Variants in PC observed in about 807,000 individuals in gnomAD.
PC encodes pyruvate carboxylase, mitochondrial.
PC carries 46 observed loss-of-function variants against 107.8 expected under a neutral mutation model. The ratio of observed to expected loss-of-function variants is 0.43; its 90% confidence interval spans 0.34 to 0.55. The LOEUF is 0.55. PC is among the 20% of genes least tolerant of loss of function. The pLI, the probability that PC is intolerant of heterozygous loss-of-function variation, is 0.04. For missense variants in PC, 1,241 were observed against 1,643.1 expected (o/e 0.76, Z 4.23); for synonymous variants, 662 against 684.7 (o/e 0.97, Z 0.52).
At chr11:66,940,341 C>T (rs1320441658) in intron 3 of PC, among the ~76,000 whole-genome samples, 1 of 151,834 alleles carries the variant, frequency 6.6e-6, no homozygotes, top group African/African-American at 2.4e-5. Flanking sequence ...TGGGACCACA[C>T]CCGGCCCCTC....
chr11:66,856,046 C>T (rs967090005), intron 12 of PC, among the ~76,000 whole-genome samples: 1 of 152,098 alleles, frequency 6.6e-6, no homozygotes, highest in South Asian at 2.1e-4. Flanking sequence ...CCCAACTGGG[C>T]AGACCACTGG....
At chr11:66,912,334 A>G (rs1468779411) in intron 3 of PC, among the ~76,000 whole-genome samples, 1 of 152,238 alleles carries the variant, frequency 6.6e-6, no homozygotes, top group Non-Finnish European at 1.5e-5. Context: ...CCCCTGGAAC[A>G]GACTTGAGGA....
At chr11:66,917,766 C>A (rs139388621) in intron 3 of PC, among the ~76,000 whole-genome samples, 1 of 152,158 alleles carries the variant, frequency 6.6e-6, no homozygotes, top group Non-Finnish European at 1.5e-5. Context: ...TGTATAATAA[C>A]GGAGAAATTT....
intron 11 of PC, among the ~76,000 whole-genome samples, chr11:66,864,299 T>C (rs1946401512): frequency 6.6e-6 from 1 of 152,188 alleles, no homozygotes; most frequent in South Asian, 2.1e-4. Flanking sequence ...TGCACCTGCC[T>C]GAGCAACCCT....
At chr11:66,888,881 C>G (rs1725534741) in intron 3 of PC, among the ~76,000 whole-genome samples, 1 of 152,130 alleles carries the variant, frequency 6.6e-6, no homozygotes, top group Admixed American at 6.5e-5. Context: ...CGAGACCACC[C>G]TGACCAACAT....
At chr11:66,946,690 G>A (rs1400859137) in intron 3 of PC, among the ~76,000 whole-genome samples, 2 of 152,232 alleles carry the variant, frequency 1.3e-5, no homozygotes, top group South Asian at 2.1e-4. Context: ...TCAAGAGGCT[G>A]AGATGGGAGG....
In PC at chr11:66,863,909, G is replaced by C; in HGVS notation, c.1233C>G (p.Ser411=). 6.2e-7 allele frequency: 1 copy of C among 1,614,080 alleles called. No homozygotes were observed. Among genetic ancestry groups the C allele is most frequent in the East Asian group, 2.2e-5 (1 of 44,874 alleles). ...GCGAGATGACGGCTCCTTGGAAGGC[G>C]GAAGCATTATCCAGGCGGATGCCCA... ...EGMGIRLDNA[S]AFQGAVISPH... is the part of the protein sequence containing the mutation. Residue 411 remains serine (S), a synonymous_variant, in exon 12 of 23, where the codon TCC becomes TCG. Transcript: ENST00000393960.
At chr11:66,951,839 G>A (rs1257073124) in intron 3 of PC, among the ~76,000 whole-genome samples, 2 of 151,236 alleles carry the variant, frequency 1.3e-5, no homozygotes, top group Non-Finnish European at 2.9e-5. Flanking sequence ...GCAGTAAGCC[G>A]AGCTTGCGCC....
At chr11:66,856,255 C>A (rs1565221073) in intron 12 of PC, among the ~76,000 whole-genome samples, 1 of 152,240 alleles carries the variant, frequency 6.6e-6, no homozygotes. Context: ...GCTGCGAGGA[C>A]GCACAGCTTC....
Position 66,871,338 on chromosome 11 carries a change from G to T in PC, c.464C>A (p.Ala155Asp). Residue 155 changes from alanine to aspartate, a missense_variant, in exon 6 of 23, where the codon GCC (alanine) becomes GAC (aspartate). This residue lies in a region of PC where 1,143 missense variants were observed against 1,551.9 expected (regional missense o/e 0.74). Transcript: ENST00000393960. The surrounding 1 kb of genome is among the most constrained non-coding windows in gnomAD (Gnocchi z 7.4). ...VVRKMGDKVEARAIAIAAGVP... is the reference protein window; with the variant it reads ...VVRKMGDKVEDRAIAIAAGVP... ...ACCCGCAGCAATGGCGATGGCCCGG[G>T]CCTCCACCTTGTCTCCCATCTTGCG... The T allele has an allele frequency of 6.2e-7, 1 of 1,613,954 alleles. No individual in the cohort carries two copies. The highest frequency in any genetic ancestry group is 8.5e-7 in the Non-Finnish European group (1 of 1,180,028).
chr11:66,857,664 G>T lies in PC; in HGVS notation c.1369-4281C>A. The T allele has an allele frequency of 1.4e-6, 2 of 1,436,200 alleles. No homozygotes were observed. Among genetic ancestry groups the T allele is most frequent in the Non-Finnish European group, 1.8e-6 (2 of 1,082,058 alleles). 89.0% of individuals were successfully genotyped at this position (1,436,200 alleles called of 1,614,324 possible). A position where few individuals can be genotyped will look rare whatever the true frequency, so the allele number is the denominator to read the frequency against. On this transcript the variant is annotated intron_variant, in intron 12 of 22. Coordinates refer to ENST00000393960, the MANE Select transcript of PC (RefSeq NM_001040716.2). This position sits in a 1 kb window ranked among gnomAD's most constrained non-coding sequence, Gnocchi z 7.1. Reference sequence around the variant, plus strand: ...CCAGGCTCACAGAAGCTGGCTTCTGGGACTGTCCTGGGCCCAAGTGGGCAC... The same window carrying T: ...CCAGGCTCACAGAAGCTGGCTTCTGTGACTGTCCTGGGCCCAAGTGGGCAC...
intron 3 of PC, among the ~76,000 whole-genome samples, chr11:66,917,319 C>T (rs762490555): frequency 3.3e-5 from 5 of 152,124 alleles, no homozygotes; most frequent in Non-Finnish European, 5.9e-5. Flanking sequence ...TGATCCACCC[C>T]GCCTTGGCCT....
At chr11:66,873,420 T>C (rs1395600432) in intron 3 of PC, among the ~76,000 whole-genome samples, 2 of 83,148 alleles carry the variant, frequency 2.4e-5, no homozygotes, top group African/African-American at 5.6e-5. Context: ...ATATATATAA[T>C]ATATTATATA....
chr11:66,923,088 C>T (rs946185212), intron 3 of PC, among the ~76,000 whole-genome samples: 17 of 151,972 alleles, frequency 1.1e-4, no homozygotes, highest in Admixed American at 2.0e-4. Flanking sequence ...GGCTAGGCAC[C>T]GGGCGCGGTG....
In PC at chr11:66,850,351, C is replaced by T; in HGVS notation, c.2587G>A (p.Glu863Lys). 1.2e-6 allele frequency: 2 copies of T among 1,614,144 alleles called. No individual in the cohort carries two copies. The highest frequency in any genetic ancestry group is 2.2e-5 in the East Asian group (1 of 44,870). ...TMKSGNSDVY[E>K]NEIPGGQYTN... ...TACTGGCCCCCTGGGATCTCATTTT[C>T]ATACACGTCCGAGTTGCCAGACTTC... Residue 863 changes from glutamate (E) to lysine (K), a missense_variant, in exon 19 of 23, where the codon GAA becomes AAA. Physicochemically the swap from Glu to Lys is moderately conservative, Grantham distance 56. Around this residue, in one of 2 missense-constraint regions of PC, gnomAD observed 1,143 missense variants for 1,551.9 expected, o/e 0.74. Coordinates refer to ENST00000393960, the MANE Select transcript of PC (RefSeq NM_001040716.2).
chr11:66,956,328 T>TA (rs1457317465), intron 1 of PC, among the ~76,000 whole-genome samples: 1 of 151,956 alleles, frequency 6.6e-6, no homozygotes, highest in Non-Finnish European at 1.5e-5. Flanking sequence ...CTCATGCCTA[T>TA]AATCCCAGCA....
chr11:66,903,752 GAAAA>G (rs1175402409), intron 3 of PC, among the ~76,000 whole-genome samples: 5 of 76,186 alleles, frequency 6.6e-5, no homozygotes, highest in Non-Finnish European at 8.7e-5. Flanking sequence ...TCCATCTCAG[GAAAA>G]AAAAAAAAAA....
intron 3 of PC, among the ~76,000 whole-genome samples, chr11:66,877,069 A>G (rs1784370057): frequency 6.6e-6 from 1 of 152,254 alleles, no homozygotes; most frequent in South Asian, 2.1e-4. Flanking sequence ...AGCTGTTTGC[A>G]AAACTTATCA....
At position 66,858,997 on chromosome 11, in the gene PC, CAG is replaced by C. The variant is rs757104711; in HGVS notation, c.1368+4775_1368+4776del. On this transcript the variant is annotated intron_variant, in intron 12 of 22. Coordinates refer to ENST00000393960, the MANE Select transcript of PC (RefSeq NM_001040716.2). The surrounding 1 kb of genome is among the most constrained non-coding windows in gnomAD (Gnocchi z 5.9). ...CAGGTGACGGAGGTGACCGCCACCT[CAG>C]GGCTGGTGAGCTGGGGTCCCGGGCG... is the stretch of plus-strand genomic sequence containing the variant. 1.9e-6 allele frequency: 3 copies of C among 1,545,708 alleles called. No homozygotes were observed. In the African/African-American group the frequency reaches 4.1e-5, roughly 21 times the overall value.
Sources: gnomAD v4.1 joint callset for allele counts (sites outside exome capture counted in the v4.1 genomes callset) on GRCh38, gnomAD v4.1.1 for gene constraint, gnomAD v4.1.1 regional missense constraint, Gnocchi (gnomAD v3.1) non-coding constraint, MANE v1.5 for transcripts, NCBI Gene and HGNC (gene_info 2026-07-23, HGNC 2026-07-21) for gene names.